The following C3orf18 variants were observed in gnomAD, a reference collection of about 807,000 sequenced individuals.
C3orf18 encodes chromosome 3 open reading frame 18, also known as uncharacterized protein C3orf18.
A neutral mutation model predicts 14.1 loss-of-function variants in C3orf18; 12 were observed. The ratio of observed to expected loss-of-function variants is 0.85; its 90% CI spans 0.55 to 1.38. The LOEUF (loss-of-function observed/expected upper bound fraction) is 1.38. C3orf18 is among the 40% of genes most tolerant of loss of function. C3orf18 has a pLI of 0.00. For synonymous variants in C3orf18, 82 were observed against 87.9 expected (o/e 0.93, Z 0.38); for missense variants, 196 against 213.9 (o/e 0.92, Z 0.52).
chr3:50,571,279 G>A (rs1227889748), upstream of C3orf18: 2 of 1,612,466 alleles, frequency 1.2e-6, no homozygotes, highest in Non-Finnish European at 1.7e-6. Context: ...GGGTATCCCT[G>A]AGGCCCGGGA....
At chr3:50,572,142 G>A (rs750195116), upstream of C3orf18, 3 of 1,614,002 alleles carry the variant, frequency 1.9e-6, no homozygotes, top group Non-Finnish European at 8.5e-7. Flanking sequence ...TCCTTGGAGA[G>A]TGGGACTTCC....
rs773561334 is a variant in C3orf18, at chr3:50,565,707, C to A, written c.-8G>T. On this transcript the variant is annotated 5_prime_UTR_variant, in exon 3 of 6. Coordinates refer to ENST00000357203, the MANE Select transcript of C3orf18 (RefSeq NM_016210.5). This position sits in a 1 kb window ranked among gnomAD's most constrained non-coding sequence, Gnocchi z 4.4. Reference sequence around the variant, plus strand: ...TGCGGTCCTGGAGTTCATGCTGATGCGGAGAGGGCCCTGGCTGAGAGGCTG... The same window carrying A: ...TGCGGTCCTGGAGTTCATGCTGATGAGGAGAGGGCCCTGGCTGAGAGGCTG... The A allele has an allele frequency of 6.3e-7, 1 of 1,599,710 alleles. No homozygotes were observed. Among genetic ancestry groups the A allele is most frequent in the Non-Finnish European group, 8.5e-7 (1 of 1,173,922 alleles).
chr3:50,563,680 T>G (rs1264246291), intron 3 of C3orf18, among the ~76,000 whole-genome samples: 1 of 152,122 alleles, frequency 6.6e-6, no homozygotes, highest in Non-Finnish European at 1.5e-5. Flanking sequence ...GAAGCAGCAC[T>G]CAGTGAGCAC....
rs558147536 is a variant in C3orf18, at chr3:50,559,072, C to T, written c.*585G>A. On this transcript the variant is annotated 3_prime_UTR_variant, in exon 6 of 6. Coordinates refer to ENST00000357203, the MANE Select transcript of C3orf18 (RefSeq NM_016210.5). ...TGGCTGGGAGACCTCCTGGACCCTC[C>T]GTAGTATGGATGGACCCTGGGTGTG... 44 of 1,289,792 alleles carry T rather than the reference C, an allele frequency of 3.4e-5. 1 individual carries two copies. Among genetic ancestry groups the T allele is most frequent in the South Asian group, 2.2e-4 (18 of 81,030 alleles). The allele number at this position is 1,289,792 out of a possible 1,614,324, so 79.9% of individuals were successfully genotyped here. A position where few individuals can be genotyped will look rare whatever the true frequency, so the allele number is the denominator to read the frequency against.
chr3:50,571,629 G>T (rs1347867010), upstream of C3orf18: 21 of 1,287,034 alleles, frequency 1.6e-5, no homozygotes, highest in Non-Finnish European at 2.4e-5. Flanking sequence ...CCAGTGCTGG[G>T]CAGGCATTAT....
At chr3:50,571,853 A>G, upstream of C3orf18, 1 of 1,547,128 alleles carries the variant, frequency 6.5e-7, no homozygotes, top group South Asian at 1.1e-5. Flanking sequence ...GCAGCAGTCC[A>G]GCCTCCCCTA....
At chr3:50,570,839 A>AGTTGT, upstream of C3orf18, 1 of 369,220 alleles carries the variant, frequency 2.7e-6, no homozygotes, top group East Asian at 4.4e-5. Context: ...GGGGTGTCAG[A>AGTTGT]GCAAGAGCAC....
At chr3:50,572,046 C>G, upstream of C3orf18, 1 of 1,601,748 alleles carries the variant, frequency 6.2e-7, no homozygotes, top group Non-Finnish European at 8.5e-7. Context: ...CAAGTGGTAT[C>G]TCAACCCAGG....
upstream of C3orf18, among the ~76,000 whole-genome samples, chr3:50,568,968 TG>T (rs1227160519): frequency 2.0e-5 from 3 of 152,144 alleles, no homozygotes; most frequent in Non-Finnish European, 2.9e-5. Context: ...GCCGACCCCC[TG>T]GTGGGCTCGG....
rs1699819253 is a variant in C3orf18 at position 50,559,118 on chromosome 3, C to T, written c.*539G>A. Reference sequence around the variant, plus strand: ...GTGTGAATTGCCCTTCTCCTGGCATCCTTGCATACTGGACAGTTTCAGCTC... The same window carrying T: ...GTGTGAATTGCCCTTCTCCTGGCATTCTTGCATACTGGACAGTTTCAGCTC... On this transcript the variant is annotated 3_prime_UTR_variant, in exon 6 of 6. Transcript: ENST00000357203. The T allele has an allele frequency of 2.3e-6, 3 of 1,289,850 alleles. No homozygotes were observed. Among genetic ancestry groups the T allele is most frequent in the Non-Finnish European group, 2.0e-6 (2 of 988,888 alleles). The allele number at this position is 1,289,850 out of a possible 1,614,324, so 79.9% of individuals were successfully genotyped here. A position where few individuals can be genotyped will look rare whatever the true frequency, so the allele number is the denominator to read the frequency against.
rs1386082310 is a variant in C3orf18 at position 50,559,025 on chromosome 3, A to G, written c.*632T>C. 9 of 1,289,572 alleles carry G rather than the reference A, an allele frequency of 7.0e-6. No homozygotes were observed. Among genetic ancestry groups the G allele is most frequent in the Non-Finnish European group, 9.1e-6 (9 of 988,836 alleles). The allele number at this position is 1,289,572 out of a possible 1,614,324, so 79.9% of individuals were successfully genotyped here. A position where few individuals can be genotyped will look rare whatever the true frequency, so the allele number is the denominator to read the frequency against. ...CTCCCATCCTAGCTTGGCCCCAGTAACATCTGGTTGCCAAGGATGGGTGGC... is the reference window on the plus strand; with the variant it reads ...CTCCCATCCTAGCTTGGCCCCAGTAGCATCTGGTTGCCAAGGATGGGTGGC... On this transcript the variant is annotated 3_prime_UTR_variant, in exon 6 of 6. Transcript: ENST00000357203.
intron 3 of C3orf18, among the ~76,000 whole-genome samples, chr3:50,564,004 A>T (rs1210384372): frequency 6.6e-6 from 1 of 152,194 alleles, no homozygotes; most frequent in Non-Finnish European, 1.5e-5. Context: ...CCCTGGCCTC[A>T]TTCTGCCTGT....
chr3:50,558,514 T>G lies in C3orf18; in HGVS notation c.*1143A>C. On this transcript the variant is annotated 3_prime_UTR_variant, in exon 6 of 6. Coordinates refer to ENST00000357203, the MANE Select transcript of C3orf18 (RefSeq NM_016210.5). ...GCTCTTCCCATAGATGGGATGGAGG[T>G]GGGGAATTCAAACATAGACTAAGTT... 1 of 376,030 alleles carries G rather than the reference T, an allele frequency of 2.7e-6. No individual in the cohort carries two copies. The highest frequency in any genetic ancestry group is 5.0e-6 in the Non-Finnish European group (1 of 201,854). The allele number at this position is 376,030 out of a possible 1,614,324, so 23.3% of individuals were successfully genotyped here. A position where few individuals can be genotyped will look rare whatever the true frequency, so the allele number is the denominator to read the frequency against.
At position 50,559,726 on chromosome 3, in the gene C3orf18, G is replaced by C; in HGVS notation, c.420C>G (p.Pro140=). 6.3e-7 allele frequency: 1 copy of C among 1,588,670 alleles called. No individual in the cohort carries two copies. The highest frequency in any genetic ancestry group is 8.6e-7 in the Non-Finnish European group (1 of 1,166,924). Residue 140 remains proline, a synonymous_variant, in exon 6 of 6, where the codon CCC becomes CCG. Coordinates refer to ENST00000357203, the MANE Select transcript of C3orf18 (RefSeq NM_016210.5). The part of the protein sequence containing the change: ...VQAMQGKTTL[P]SQGPLQRPSR... ...TGGGTCTCTGCAGTGGGCCCTGGGAGGGCAGAGTAGTCTGCAGGAAGACAG... is the reference window on the plus strand; with the variant it reads ...TGGGTCTCTGCAGTGGGCCCTGGGACGGCAGAGTAGTCTGCAGGAAGACAG...
upstream of C3orf18, among the ~76,000 whole-genome samples, chr3:50,568,680 G>A (rs947445852): frequency 2.2e-5 from 3 of 135,470 alleles, no homozygotes; most frequent in Middle Eastern, 4.5e-3. Context: ...AGCAGAGATC[G>A]CGCCATTGTA....
In C3orf18 at chr3:50,565,340, C is replaced by T. The variant is rs190548582; in HGVS notation, c.234+126G>A. On this transcript the variant is annotated intron_variant, in intron 3 of 5. Transcript: ENST00000357203. The surrounding 1 kb of genome is among the most constrained non-coding windows in gnomAD (Gnocchi z 4.4). The stretch of plus-strand genomic sequence containing the variant: ...TGAGATCAAGCCATTGCACTCCAGC[C>T]TGCATGACAGAGCAAGACTCTGTCT... The T allele has an allele frequency of 2.3e-4, 177 of 758,110 alleles. No individual in the cohort carries two copies. The African/African-American group carries it at 2.9e-3, about 12-fold the overall frequency. The allele number at this position is 758,110 out of a possible 1,614,324, so 47.0% of individuals were successfully genotyped here. A position where few individuals can be genotyped will look rare whatever the true frequency, so the allele number is the denominator to read the frequency against.
chr3:50,564,330 G>T (rs1251706471), intron 3 of C3orf18, among the ~76,000 whole-genome samples: 3 of 152,206 alleles, frequency 2.0e-5, no homozygotes, highest in South Asian at 2.1e-4. Flanking sequence ...TATCATCTTA[G>T]GGGGACAGCC....
At chr3:50,566,344 A>G (rs1432133128) in intron 1 of C3orf18, among the ~76,000 whole-genome samples, 1 of 151,848 alleles carries the variant, frequency 6.6e-6, no homozygotes, top group Non-Finnish European at 1.5e-5. Flanking sequence ...TTAACTAGTG[A>G]TCCCTAGAAA....
Position 50,561,017 on chromosome 3 carries a change from G to A in C3orf18, c.308C>T (p.Pro103Leu). Reference sequence around the variant, plus strand: ...CTCCAACTCATCTTGTTCCTCCGTGGGGTCGAAGTTGTACATGGGCATGAG... The same window carrying A: ...CTCCAACTCATCTTGTTCCTCCGTGAGGTCGAAGTTGTACATGGGCATGAG... ...HQLMPMYNFD[P>L]TEEQDELEQE... The change falls in exon 5 of 6, where the codon CCC becomes CTC. Residue 103 changes from proline to leucine, a missense_variant. Transcript: ENST00000357203. The A allele has an allele frequency of 6.2e-7, 1 of 1,614,176 alleles. No individual in the cohort carries two copies. The highest frequency in any genetic ancestry group is 8.5e-7 in the Non-Finnish European group (1 of 1,180,000).
Sources: allele counts gnomAD v4.1 joint callset (sites outside exome capture counted in the v4.1 genomes callset), GRCh38; gene constraint gnomAD v4.1.1; non-coding constraint Gnocchi (gnomAD v3.1); transcripts MANE v1.5; gene names NCBI Gene and HGNC (gene_info 2026-07-23, HGNC 2026-07-21).